The following FHIT variants were observed in gnomAD, a reference collection of about 807,000 sequenced individuals.
FHIT encodes the protein bis(5'-adenosyl)-triphosphatase.
In FHIT, 19 loss-of-function variants were observed where a neutral mutation model predicts 17.9. The ratio of observed to expected loss-of-function variants is 1.06; its 90% CI spans 0.74 to 1.56. FHIT has a LOEUF of 1.56. FHIT is among the 40% of genes most tolerant of loss of function. The probability of loss-of-function intolerance (pLI) is 0.00; values close to 1 mark genes in which losing one functional copy is unlikely to be tolerated. For missense variants in FHIT, 248 were observed against 189.2 expected (o/e 1.31, Z -1.82); for synonymous variants, 81 against 69.7 (o/e 1.16, Z -0.81).
chr3:59,847,330 C>G (rs2106775560), intron 8 of FHIT, among the ~76,000 whole-genome samples: 1 of 152,018 alleles, frequency 6.6e-6, no homozygotes, highest in African/African-American at 2.4e-5. Context: ...TCTTTAAATT[C>G]ATTAATTCTT....
At chr3:60,633,276 G>T (rs2039495249) in intron 4 of FHIT, among the ~76,000 whole-genome samples, 2 of 152,110 alleles carry the variant, frequency 1.3e-5, no homozygotes, top group Non-Finnish European at 2.9e-5. Flanking sequence ...CTAGCTGTGT[G>T]ATATTGAGCA....
intron 5 of FHIT, among the ~76,000 whole-genome samples, chr3:60,135,316 T>A (rs1367641077): frequency 6.6e-6 from 1 of 151,986 alleles, no homozygotes; most frequent in Admixed American, 6.6e-5. Flanking sequence ...AATATAAGAT[T>A]ATAGGCGAGA....
chr3:60,432,865 G>A (rs1039763310), intron 5 of FHIT, among the ~76,000 whole-genome samples: 3 of 148,900 alleles, frequency 2.0e-5, no homozygotes, highest in African/African-American at 7.4e-5. Context: ...TTTTGTGTTT[G>A]TTTTTTACTT....
intron 8 of FHIT, among the ~76,000 whole-genome samples, chr3:59,753,413 A>C (rs1701027243): frequency 6.6e-6 from 1 of 152,194 alleles, no homozygotes; most frequent in Non-Finnish European, 1.5e-5. Flanking sequence ...GAGTGAATAC[A>C]ATTTCAATTC....
intron 5 of FHIT, among the ~76,000 whole-genome samples, chr3:60,083,780 C>T (rs1038666096): frequency 3.9e-5 from 6 of 152,204 alleles, no homozygotes; most frequent in African/African-American, 1.4e-4. Context: ...ATGGGTGTGG[C>T]TGTGTTCCAG....
intron 8 of FHIT, among the ~76,000 whole-genome samples, chr3:59,839,276 C>A (rs1227970425): frequency 1.3e-5 from 2 of 150,972 alleles, no homozygotes; most frequent in African/African-American, 4.9e-5. Context: ...TGAGATCATG[C>A]CATTGCACTC....
At chr3:60,353,851 G>A (rs1486700584) in intron 5 of FHIT, among the ~76,000 whole-genome samples, 1 of 152,050 alleles carries the variant, frequency 6.6e-6, no homozygotes, top group African/African-American at 2.4e-5. Context: ...TAAGAAGTGT[G>A]TAAAGAAGTT....
chr3:60,486,030 T>C (rs1274312825), intron 5 of FHIT, among the ~76,000 whole-genome samples: 1 of 152,136 alleles, frequency 6.6e-6, no homozygotes. Flanking sequence ...CAGCATGAAG[T>C]GGCACATTAT....
chr3:60,559,842 C>G (rs949901819), intron 4 of FHIT, among the ~76,000 whole-genome samples: 1 of 152,192 alleles, frequency 6.6e-6, no homozygotes, highest in African/African-American at 2.4e-5. Flanking sequence ...TCCCCTTTAA[C>G]TGCTTCAGCT....
intron 4 of FHIT, among the ~76,000 whole-genome samples, chr3:60,603,092 A>G (rs1255291438): frequency 3.9e-5 from 6 of 152,212 alleles, no homozygotes; most frequent in African/African-American, 1.4e-4. Flanking sequence ...TGAAGGTAGT[A>G]AGAGAGGTAG....
intron 3 of FHIT, among the ~76,000 whole-genome samples, chr3:61,019,856 A>C (rs890364787): frequency 6.6e-6 from 1 of 152,048 alleles, no homozygotes; most frequent in Non-Finnish European, 1.5e-5. Context: ...TCATTTATTC[A>C]TATGATTTTC....
intron 5 of FHIT, among the ~76,000 whole-genome samples, chr3:60,328,965 A>G (rs570320370): frequency 3.9e-5 from 6 of 152,192 alleles, no homozygotes; most frequent in Non-Finnish European, 8.8e-5. Context: ...TCAATACACA[A>G]TAGAAGAATC....
intron 7 of FHIT, among the ~76,000 whole-genome samples, chr3:59,940,746 A>G (rs868626098): frequency 5.9e-5 from 9 of 152,200 alleles, no homozygotes; most frequent in African/African-American, 1.9e-4. Flanking sequence ...AATAAAGTCT[A>G]TTCTTCAAAG....
At chr3:60,540,581 C>G (rs1189348226) in intron 4 of FHIT, among the ~76,000 whole-genome samples, 1 of 152,290 alleles carries the variant, frequency 6.6e-6, no homozygotes, top group East Asian at 1.9e-4. Flanking sequence ...GAAAGAAACC[C>G]CACACATTTG....
At chr3:60,305,347 A>G (rs886114933) in intron 5 of FHIT, among the ~76,000 whole-genome samples, 1 of 152,148 alleles carries the variant, frequency 6.6e-6, no homozygotes, top group Non-Finnish European at 1.5e-5. Context: ...AAATCATAAA[A>G]TAGGTGTAGG....
At chr3:60,937,805 G>A (rs1158267772) in intron 3 of FHIT, among the ~76,000 whole-genome samples, 12 of 151,906 alleles carry the variant, frequency 7.9e-5, no homozygotes, top group African/African-American at 1.7e-4. Flanking sequence ...CTTGTGATCC[G>A]CCTGCCTTAG....
At chr3:60,364,964 A>T (rs1348098894) in intron 5 of FHIT, among the ~76,000 whole-genome samples, 1 of 152,076 alleles carries the variant, frequency 6.6e-6, no homozygotes, top group Admixed American at 6.6e-5. Flanking sequence ...TCCAGCTTTC[A>T]GAGAATAGAT....
At position 59,862,602 on chromosome 3, in the gene FHIT, G is replaced by A. The variant is rs73839538; in HGVS notation, c.348+59744C>T. ...TCCCCATTCTGGGGATTATTGGCTG[G>A]GTATTTAAATATACTTTTCTTAGGC... On this transcript the variant is annotated intron_variant, in intron 8 of 9. Coordinates refer to ENST00000492590, the MANE Select transcript of FHIT (RefSeq NM_002012.4). 7.2e-3 allele frequency among the ~76,000 whole-genome samples: 1,101 copies of A among 152,204 alleles called. 14 individuals carry two copies. Among genetic ancestry groups the A allele is most frequent in the African/African-American group, 0.025 (1,053 of 41,512 alleles).
chr3:61,010,550 A>G (rs1366513083), intron 3 of FHIT, among the ~76,000 whole-genome samples: 1 of 152,182 alleles, frequency 6.6e-6, no homozygotes, highest in African/African-American at 2.4e-5. Flanking sequence ...TGCTTGGTAA[A>G]TCTGGACTAA....
Sources: gnomAD v4.1 joint callset for allele counts (sites outside exome capture counted in the v4.1 genomes callset) on GRCh38, gnomAD v4.1.1 for gene constraint, MANE v1.5 for transcripts, NCBI Gene and HGNC (gene_info 2026-07-23, HGNC 2026-07-21) for gene names.